The following GCNT2 variants were observed in gnomAD, a reference collection of about 807,000 sequenced individuals.
The protein encoded by GCNT2 is N-acetyllactosaminide beta-1,6-N-acetylglucosaminyl-transferase.
A neutral mutation model predicts 34.2 loss-of-function variants in GCNT2; 34 were observed. The ratio of observed to expected loss-of-function variants is 1.00; its 90% CI spans 0.76 to 1.32. The LOEUF (loss-of-function observed/expected upper bound fraction) is 1.32, where lower values mean the gene tolerates loss of function less well. Ranked by LOEUF, GCNT2 falls within the 40% of genes most tolerant of loss-of-function variation. The probability of loss-of-function intolerance (pLI) is 0.00; values close to 1 mark genes in which losing one functional copy is unlikely to be tolerated. For synonymous variants in GCNT2, 212 were observed against 188.0 expected, an observed-to-expected ratio of 1.13 and a Z score of -1.04; for missense variants, 584 against 489.4, an observed-to-expected ratio of 1.19 and a Z score of -1.82.
intron 3 of GCNT2, among the ~76,000 whole-genome samples, chr6:10,552,900 C>G (rs1246165433): frequency 1.3e-5 from 2 of 152,190 alleles, no homozygotes; most frequent in East Asian, 3.8e-4. Flanking sequence ...CCAAGGAAAG[C>G]CATCAGGGAG....
chr6:10,556,260 A>G (rs891918685), intron 3 of GCNT2: 3 of 1,476,036 alleles, frequency 2.0e-6, no homozygotes, highest in Admixed American at 2.4e-5. Flanking sequence ...GGACAGAGAC[A>G]GCAGCTGGAC....
At chr6:10,539,948 C>T (rs1030320973) in intron 3 of GCNT2, among the ~76,000 whole-genome samples, 2 of 152,080 alleles carry the variant, frequency 1.3e-5, no homozygotes, top group African/African-American at 2.4e-5. Flanking sequence ...CTTGGAGGCG[C>T]GTGCCGGTAG....
chr6:10,621,977 T>C (rs1766056056), intron 4 of GCNT2, among the ~76,000 whole-genome samples: 1 of 152,116 alleles, frequency 6.6e-6, no homozygotes, highest in Non-Finnish European at 1.5e-5. Flanking sequence ...AGAAGTGATG[T>C]CATGTTGGCA....
chr6:10,574,890 A>G, intron 3 of GCNT2: 1 of 702,588 alleles, frequency 1.4e-6, no homozygotes, highest in South Asian at 1.4e-5. Flanking sequence ...TCTTTTTCTG[A>G]TCGTTTTTCT....
intron 3 of GCNT2, among the ~76,000 whole-genome samples, chr6:10,594,495 G>A (rs761729436): frequency 6.6e-6 from 1 of 152,122 alleles, no homozygotes; most frequent in Non-Finnish European, 1.5e-5. Flanking sequence ...CTTTATCTCC[G>A]TTAGTTTGAT....
chr6:10,526,583 T>TA (rs1761199167), intron 1 of GCNT2, among the ~76,000 whole-genome samples: 1 of 152,144 alleles, frequency 6.6e-6, no homozygotes, highest in African/African-American at 2.4e-5. Flanking sequence ...CTTTTTTTTT[T>TA]ATTAGAGATG....
intron 3 of GCNT2, among the ~76,000 whole-genome samples, chr6:10,579,120 T>C (rs1763955477): frequency 6.6e-6 from 1 of 152,222 alleles, no homozygotes; most frequent in Non-Finnish European, 1.5e-5. Context: ...TTTTTTCTGC[T>C]TTGTGATTGT....
At chr6:10,586,605 C>T in intron 3 of GCNT2, 2 of 1,614,172 alleles carry the variant, frequency 1.2e-6, no homozygotes, top group Non-Finnish European at 1.7e-6. Context: ...GATAGTTCAG[C>T]ATCTGAAAGG....
At chr6:10,573,174 T>TCG in intron 3 of GCNT2, 1 of 947,406 alleles carries the variant, frequency 1.1e-6, no homozygotes, top group Non-Finnish European at 1.3e-6. Context: ...TATGGATCTC[T>TCG]GGCAGCAGCT....
At chr6:10,573,135 G>A (rs554733817) in intron 3 of GCNT2, 23 of 955,632 alleles carry the variant, frequency 2.4e-5, no homozygotes, top group Middle Eastern at 5.4e-4. Flanking sequence ...GAAAGTGTTC[G>A]GAAGATATAA....
intron 3 of GCNT2, among the ~76,000 whole-genome samples, chr6:10,606,178 G>A (rs536576571): frequency 6.6e-6 from 1 of 152,364 alleles, no homozygotes; most frequent in East Asian, 1.9e-4. Flanking sequence ...AGCCGGGTGT[G>A]GTGGTGCATG....
intron 3 of GCNT2, among the ~76,000 whole-genome samples, chr6:10,540,060 AGAGT>A (rs1761967393): frequency 6.6e-6 from 1 of 151,414 alleles, no homozygotes; most frequent in African/African-American, 2.4e-5. Context: ...TCTTGGTGAC[AGAGT>A]GAGACCCCAT....
intron 3 of GCNT2, chr6:10,585,694 A>G (rs1764310974): frequency 3.8e-6 from 4 of 1,056,378 alleles, no homozygotes; most frequent in Admixed American, 3.5e-5. Flanking sequence ...GAGGCTTCCT[A>G]GAGGCTGGAC....
chr6:10,582,332 A>G (rs1764131439), intron 3 of GCNT2, among the ~76,000 whole-genome samples: 1 of 100,178 alleles, frequency 1.0e-5, no homozygotes, highest in South Asian at 2.4e-4. Flanking sequence ...AATATAATAT[A>G]TACTATATAA....
At chr6:10,565,808 T>C (rs1763255629) in intron 3 of GCNT2, among the ~76,000 whole-genome samples, 1 of 152,104 alleles carries the variant, frequency 6.6e-6, no homozygotes, top group Non-Finnish European at 1.5e-5. Flanking sequence ...TTCTTTCTCT[T>C]AAAGTTGTAT....
chr6:10,563,534 G>A (rs1006417694), intron 3 of GCNT2, among the ~76,000 whole-genome samples: 1 of 151,934 alleles, frequency 6.6e-6, no homozygotes, highest in Non-Finnish European at 1.5e-5. Flanking sequence ...CTGAGGTCAA[G>A]AGTTCGAGAC....
chr6:10,593,885 C>T (rs13204999), intron 3 of GCNT2, among the ~76,000 whole-genome samples: 16,693 of 152,130 alleles, frequency 0.11, 1,083 homozygotes, highest in Middle Eastern at 0.17. Context: ...ATCAGGTAAA[C>T]GACTTTGGAG....
intron 3 of GCNT2, among the ~76,000 whole-genome samples, chr6:10,615,855 C>T (rs901116080): frequency 2.0e-5 from 3 of 152,192 alleles, no homozygotes; most frequent in Non-Finnish European, 2.9e-5. Flanking sequence ...TGTAGCAGGA[C>T]GACCAGAGAT....
At chr6:10,532,635 C>T (rs1034304645) in intron 3 of GCNT2, among the ~76,000 whole-genome samples, 1 of 152,108 alleles carries the variant, frequency 6.6e-6, no homozygotes, top group Non-Finnish European at 1.5e-5. Context: ...CCATGCCTGG[C>T]TAACTTTAAC....
Sources: allele counts gnomAD v4.1 joint callset (sites outside exome capture counted in the v4.1 genomes callset), GRCh38; gene constraint gnomAD v4.1.1; transcripts MANE v1.5; gene names NCBI Gene and HGNC (gene_info 2026-07-23, HGNC 2026-07-21).